ARHGAP23: variants seen among roughly 807,000 people sequenced by gnomAD.
ARHGAP23 encodes the protein Rho GTPase activating protein 23.
In ARHGAP23, 34 loss-of-function variants were observed where a neutral mutation model predicts 136.3. The ratio of observed to expected loss-of-function variants is 0.25; its 90% CI spans 0.19 to 0.33. The LOEUF (loss-of-function observed/expected upper bound fraction) is 0.33, where lower values mean the gene tolerates loss of function less well. Among genes scored for constraint, ARHGAP23 ranks in the 10% least tolerant of loss-of-function variants. ARHGAP23 has a pLI of 1.00. For missense variants in ARHGAP23, 1,808 were observed against 2,139.0 expected (o/e 0.85, Z 3.05); for synonymous variants, 832 against 920.5 (o/e 0.90, Z 1.74).
chr17:38,424,707 G>A (rs924980806), upstream of ARHGAP23, among the ~76,000 whole-genome samples: 62 of 152,276 alleles, frequency 4.1e-4, no homozygotes, highest in African/African-American at 1.3e-3. Context: ...CACAGCCTGC[G>A]GGTTAAGTGT....
At chr17:38,428,193 C>T (rs1019282680), upstream of ARHGAP23, among the ~76,000 whole-genome samples, 1 of 152,212 alleles carries the variant, frequency 6.6e-6, no homozygotes, top group Non-Finnish European at 1.5e-5. Context: ...AGAGGCCGGG[C>T]AAGCGTCTCC....
chr17:38,510,211 C>T lies in ARHGAP23; in HGVS notation c.3715C>T (p.Pro1239Ser). Residue 1239 changes from proline to serine, a missense_variant, in exon 24 of 24, where the codon CCG (proline) becomes TCG (serine). By Grantham distance (74) the Pro-to-Ser change is moderately conservative (BLOSUM62 -1). This residue lies in a region of ARHGAP23 where 506 missense variants were observed against 455.8 expected (regional missense o/e 1.11). Transcript: ENST00000622683. The surrounding 1 kb of genome is among the most constrained non-coding windows in gnomAD (Gnocchi z 4.6). The stretch of plus-strand genomic sequence containing the variant: ...TCCCCCGGCGGCGCCGGAGGAGCGG[C>T]CGGCCGCGGACACGCGCTCCATTGT... ...LSPPAAPEER[P>S]AADTRSIVSG... 7.3e-7 allele frequency: 1 copy of T among 1,371,698 alleles called. No individual in the cohort carries two copies. The highest frequency in any genetic ancestry group is 9.4e-7 in the Non-Finnish European group (1 of 1,062,634). 85.0% of individuals were successfully genotyped at this position (1,371,698 alleles called of 1,614,324 possible).
chr17:38,441,470 A>G (rs944597885), intron 1 of ARHGAP23, among the ~76,000 whole-genome samples: 3 of 151,018 alleles, frequency 2.0e-5, no homozygotes, highest in Non-Finnish European at 2.9e-5. Flanking sequence ...CCTCTCAACC[A>G]ATCTTCCTGA....
chr17:38,508,707 A>ATC (rs2040687174), intron 23 of ARHGAP23, among the ~76,000 whole-genome samples: 1 of 152,092 alleles, frequency 6.6e-6, no homozygotes, highest in African/African-American at 2.4e-5. Flanking sequence ...TTTCAAAAGA[A>ATC]TCCAGGACTT....
chr17:38,434,921 G>A lies in ARHGAP23; in HGVS notation c.63+6373G>A, dbSNP rs549984458. On this transcript the variant is annotated intron_variant, in intron 1 of 23. Transcript: ENST00000622683. ...AGAGCCCCCGAAGGCTGGAAGGAGA[G>A]GCTGGAGGGGACACCCCCACCTCCC... 1.2e-4 allele frequency among the ~76,000 whole-genome samples: 18 copies of A among 152,326 alleles called. No homozygotes were observed. The South Asian group carries it at 3.7e-3, about 32-fold the overall frequency.
intron 23 of ARHGAP23, among the ~76,000 whole-genome samples, chr17:38,503,329 G>C (rs994694821): frequency 2.0e-5 from 3 of 152,212 alleles, no homozygotes; most frequent in African/African-American, 7.2e-5. Context: ...TCTGCTGGGC[G>C]TGAAGGTGGC....
At chr17:38,485,349 A>T (rs1005922883) in intron 16 of ARHGAP23, among the ~76,000 whole-genome samples, 2 of 152,102 alleles carry the variant, frequency 1.3e-5, no homozygotes, top group Admixed American at 6.5e-5. Context: ...AGAACTACTG[A>T]TTTAGGGCCA....
chr17:38,492,157 T>C (rs2040293102), intron 20 of ARHGAP23, among the ~76,000 whole-genome samples: 1 of 152,284 alleles, frequency 6.6e-6, no homozygotes, highest in South Asian at 2.1e-4. Context: ...TTACTGTGCA[T>C]GGGCGGAGGA....
intron 3 of ARHGAP23, among the ~76,000 whole-genome samples, chr17:38,462,264 T>C: frequency 7.0e-6 from 1 of 143,310 alleles, no homozygotes; most frequent in Non-Finnish European, 1.5e-5. Flanking sequence ...TTTTTTTTTT[T>C]TTTTTTTGAG....
At chr17:38,439,161 G>C (rs184451663) in intron 1 of ARHGAP23, among the ~76,000 whole-genome samples, 39 of 151,272 alleles carry the variant, frequency 2.6e-4, no homozygotes, top group African/African-American at 9.2e-4. Context: ...TGGGTGACAA[G>C]AGTGAGACTC....
upstream of ARHGAP23, among the ~76,000 whole-genome samples, chr17:38,427,470 A>G (rs1317930826): frequency 1.3e-5 from 2 of 151,772 alleles, no homozygotes; most frequent in African/African-American, 4.8e-5. Context: ...CCGAAAAAAA[A>G]AAAAGGAAAA....
chr17:38,481,643 C>T (rs185386978), intron 14 of ARHGAP23, among the ~76,000 whole-genome samples: 1 of 152,250 alleles, frequency 6.6e-6, no homozygotes, highest in East Asian at 1.9e-4. Context: ...CTTATAGTCC[C>T]AGCCACTCGG....
rs376773175 is a variant in ARHGAP23 at position 38,460,767 on chromosome 17, G to A, written c.226-138G>A. 8.6e-4 allele frequency: 1,304 copies of A among 1,515,984 alleles called. 4 individuals are homozygous for A. The highest frequency in any genetic ancestry group is 1.3e-3 in the Middle Eastern group (6 of 4,542). 93.9% of individuals were successfully genotyped at this position (1,515,984 alleles called of 1,614,324 possible). ...TTGGTGCCCCTCGGACACCCCTCCC[G>A]CACCCTCCCCTGCTGGGCTACTTGG... is the stretch of plus-strand genomic sequence containing the variant. On this transcript the variant is annotated intron_variant, in intron 2 of 23. Transcript: ENST00000622683.
chr17:38,509,974 G>A lies in ARHGAP23; in HGVS notation c.3478G>A (p.Ala1160Thr), dbSNP rs1361785409. Residue 1160 changes from alanine (A) to threonine (T), a missense_variant, in exon 24 of 24, where the codon GCC becomes ACC. Transcript: ENST00000622683. The stretch of plus-strand genomic sequence containing the variant: ...GTGGGCCCCCAAGAAGGAGCCGTAC[G>A]CCCGGGAGATGCTGGCGATCTCCTT... ...GSWAPKKEPY[A>T]REMLAISFIS... is the part of the protein sequence containing the mutation. 10 of 1,250,314 alleles carry A rather than the reference G, an allele frequency of 8.0e-6. No individual in the cohort carries two copies. Among genetic ancestry groups the A allele is most frequent in the African/African-American group, 1.6e-5 (1 of 64,470 alleles). The allele number at this position is 1,250,314 out of a possible 1,614,324, so 77.5% of individuals were successfully genotyped here.
At chr17:38,444,374 C>A (rs1320345361) in intron 1 of ARHGAP23, among the ~76,000 whole-genome samples, 1 of 151,950 alleles carries the variant, frequency 6.6e-6, no homozygotes, top group African/African-American at 2.4e-5. Flanking sequence ...CCTGAGAGGA[C>A]GCGGCGGTGT....
intron 23 of ARHGAP23, among the ~76,000 whole-genome samples, chr17:38,507,889 CCATT>C (rs150003483): frequency 7.5e-4 from 114 of 152,296 alleles, no homozygotes; most frequent in African/African-American, 2.6e-3. Context: ...ATCTGGGTCT[CCATT>C]CATTATTACA....
intron 1 of ARHGAP23, among the ~76,000 whole-genome samples, chr17:38,441,880 G>A (rs1378552623): frequency 6.6e-6 from 1 of 152,202 alleles, no homozygotes; most frequent in Non-Finnish European, 1.5e-5. Flanking sequence ...CGTGGCTGGA[G>A]TGTGGCCAGC....
chr17:38,498,144 T>C (rs1275961206), intron 21 of ARHGAP23, among the ~76,000 whole-genome samples: 1 of 152,196 alleles, frequency 6.6e-6, no homozygotes, highest in Non-Finnish European at 1.5e-5. Flanking sequence ...AGTTCCAGTC[T>C]GGTGCGGGAG....
intron 11 of ARHGAP23, among the ~76,000 whole-genome samples, chr17:38,473,245 T>TG (rs950096496): frequency 6.6e-6 from 1 of 151,984 alleles, no homozygotes; most frequent in African/African-American, 2.4e-5. Context: ...TGAGCCACCG[T>TG]GCCCAGCCCG....
Sources: gnomAD v4.1 joint callset for allele counts (sites outside exome capture counted in the v4.1 genomes callset) on GRCh38, gnomAD v4.1.1 for gene constraint, gnomAD v4.1.1 regional missense constraint, Gnocchi (gnomAD v3.1) non-coding constraint, MANE v1.5 for transcripts, NCBI Gene and HGNC (gene_info 2026-07-23, HGNC 2026-07-21) for gene names.